Variants in EFCC1 observed in about 807,000 individuals in gnomAD.
EFCC1 encodes the protein EF-hand and coiled-coil domain-containing protein 1.
In EFCC1, 50 loss-of-function variants were observed where a neutral mutation model predicts 52.1. The observed-to-expected ratio is 0.96, with a 90% CI of 0.76 to 1.21. The LOEUF (loss-of-function observed/expected upper bound fraction) is 1.21, where lower values mean the gene tolerates loss of function less well. Among genes scored for constraint, EFCC1 ranks in the 50% most tolerant of loss-of-function variants. EFCC1 has a pLI of 0.00. For synonymous variants in EFCC1, 399 were observed against 396.5 expected (o/e 1.01, Z -0.08); for missense variants, 837 against 867.3 (o/e 0.97, Z 0.44).
At chr3:129,032,718 C>G in intron 3 of EFCC1, 101 bp from the exon 4 acceptor site, 1 of 1,454,544 alleles carries the variant, frequency 6.9e-7, no homozygotes, top group South Asian at 1.4e-5. Flanking sequence ...GGACATGGCA[C>G]AAGAGCCCTC....
At position 129,003,900 on chromosome 3, in the gene EFCC1, A is replaced by C. The variant is rs1944928969; in HGVS notation, c.803A>C (p.Glu268Ala). The change falls in exon 2 of 8, where the codon GAG becomes GCG. Residue 268 changes from glutamate (E) to alanine (A), a missense_variant. Transcript: ENST00000683648. ...GCGCAGGGCGCCCTGGCTGCGGCGG[A>C]GGCCCGCGCTGGGCGGCTGCGCCGT... is the stretch of plus-strand genomic sequence containing the variant. ...RQAQGALAAA[E>A]ARAGRLRRGQ... 3 of 1,355,352 alleles carry C rather than the reference A, an allele frequency of 2.2e-6. No individual in the cohort carries two copies. The highest frequency in any genetic ancestry group is 3.2e-5 in the East Asian group (1 of 31,442). The allele number at this position is 1,355,352 out of a possible 1,614,324, so 84.0% of individuals were successfully genotyped here.
At position 129,014,531 on chromosome 3, in the gene EFCC1, G is replaced by A. The variant is rs565813360; in HGVS notation, c.980+10454G>A. Among the ~76,000 whole-genome samples, 154 of 152,338 alleles carry A rather than the reference G, an allele frequency of 1.0e-3. 1 individual carries two copies. The highest frequency in any genetic ancestry group is 3.7e-3 in the African/African-American group (152 of 41,576). ...AGGACACCAGTCAGACTGGATTAGG[G>A]CCCACCCTAAAGACCTCATTTTAAC... On this transcript the variant is annotated intron_variant, in intron 2 of 7. Coordinates refer to ENST00000683648, the MANE Select transcript of EFCC1 (RefSeq NM_001377500.1). This position sits in a 1 kb window ranked among gnomAD's most constrained non-coding sequence, Gnocchi z 4.3.
At chr3:129,039,509 T>C (rs969742339) in intron 7 of EFCC1, among the ~76,000 whole-genome samples, 2 of 152,170 alleles carry the variant, frequency 1.3e-5, no homozygotes, top group African/African-American at 4.8e-5. Flanking sequence ...CCTGCCCTCA[T>C]GGAGGAGATC....
At chr3:129,012,501 C>G (rs1021031964) in intron 2 of EFCC1, among the ~76,000 whole-genome samples, 1 of 152,184 alleles carries the variant, frequency 6.6e-6, no homozygotes, top group African/African-American at 2.4e-5. Context: ...AGATTCATGA[C>G]TTTCCAAATT....
intron 2 of EFCC1, among the ~76,000 whole-genome samples, chr3:129,030,244 C>G (rs779928090): frequency 6.6e-6 from 1 of 152,052 alleles, no homozygotes; most frequent in Non-Finnish European, 1.5e-5. Flanking sequence ...TAAAATTCCC[C>G]TATAATAAGA....
chr3:129,028,159 C>T (rs918044961), intron 2 of EFCC1, among the ~76,000 whole-genome samples: 66 of 151,140 alleles, frequency 4.4e-4, no homozygotes, highest in African/African-American at 1.1e-3. Flanking sequence ...ATCTAGGTTA[C>T]GGCAACCGCC....
rs1012355391 is a variant in EFCC1 at position 129,014,392 on chromosome 3, G to A, written c.980+10315G>A. ...GCTGACCAGAGTGCGGTGTCGCAGCGTTGGCTTCTCCTGCGGCCTCTCTCC... is the reference window on the plus strand; with the variant it reads ...GCTGACCAGAGTGCGGTGTCGCAGCATTGGCTTCTCCTGCGGCCTCTCTCC... On this transcript the variant is annotated intron_variant, in intron 2 of 7. Transcript: ENST00000683648. The surrounding 1 kb of genome is among the most constrained non-coding windows in gnomAD (Gnocchi z 4.3). 3.9e-5 allele frequency among the ~76,000 whole-genome samples: 6 copies of A among 152,180 alleles called. No homozygotes were observed. The highest frequency in any genetic ancestry group is 2.1e-4 in the South Asian group (1 of 4,832).
intron 5 of EFCC1, among the ~76,000 whole-genome samples, chr3:129,035,563 A>T (rs145874023): frequency 6.6e-6 from 1 of 152,362 alleles, no homozygotes; most frequent in East Asian, 1.9e-4. Context: ...AAAGACCAGG[A>T]CTATGCAAAC....
chr3:129,003,942 G>C lies in EFCC1; in HGVS notation c.845G>C (p.Arg282Pro). Residue 282 changes from arginine to proline, a missense_variant, in exon 2 of 8, where the codon CGG becomes CCG. Physicochemically the swap from Arg to Pro is moderately radical, Grantham distance 103 (BLOSUM62 -2). Coordinates refer to ENST00000683648, the MANE Select transcript of EFCC1 (RefSeq NM_001377500.1). Reference sequence around the variant, plus strand: ...CTGCGCCGTGGCCAGGCCGAGGTGCGGCGGCGCGCGGAGGAGGCCCGGCAG... The same window carrying C: ...CTGCGCCGTGGCCAGGCCGAGGTGCCGCGGCGCGCGGAGGAGGCCCGGCAG... ...GRLRRGQAEV[R>P]RRAEEARQVV... 1 of 1,404,794 alleles carries C rather than the reference G, an allele frequency of 7.1e-7. No homozygotes were observed. The highest frequency in any genetic ancestry group is 9.2e-7 in the Non-Finnish European group (1 of 1,083,446). The allele number at this position is 1,404,794 out of a possible 1,614,324, so 87.0% of individuals were successfully genotyped here. A position where few individuals can be genotyped will look rare whatever the true frequency, so the allele number is the denominator to read the frequency against.
Position 129,030,730 on chromosome 3 carries a change from G to A in EFCC1, c.1008G>A (p.Pro336=), listed in dbSNP as rs114454623. ...CAGAGGATTCCCAGCTCCCAACCCCGCAGCTAGCCAACCCAGAGCCAGGAG... is the reference window on the plus strand; with the variant it reads ...CAGAGGATTCCCAGCTCCCAACCCCACAGCTAGCCAACCCAGAGCCAGGAG... The part of the protein sequence containing the change: ...YRSEDSQLPT[P]QLANPEPGDK... The change falls in exon 3 of 8, where the codon CCG becomes CCA. Residue 336 remains proline, a synonymous_variant. Transcript: ENST00000683648. 1.4e-3 allele frequency: 2,226 copies of A among 1,551,418 alleles called. 31 individuals carry two copies. The African/African-American group carries it at 0.028, about 19-fold the overall frequency.
At chr3:129,017,843 G>T (rs370161961) in intron 2 of EFCC1, among the ~76,000 whole-genome samples, 1 of 152,194 alleles carries the variant, frequency 6.6e-6, no homozygotes, top group African/African-American at 2.4e-5. Context: ...GAACTTGGGG[G>T]CCCATTCCTA....
intron 2 of EFCC1, among the ~76,000 whole-genome samples, chr3:129,015,413 C>A (rs116424588): frequency 0.019 from 2,860 of 152,128 alleles, 96 homozygotes; most frequent in African/African-American, 0.065. Flanking sequence ...TTGAGGTCTG[C>A]TCCTTCGGGG....
chr3:129,033,068 C>T (rs1946303515), intron 4 of EFCC1, 102 bp downstream of exon 4: 1 of 1,402,500 alleles, frequency 7.1e-7, no homozygotes, highest in Admixed American at 2.9e-5. Flanking sequence ...GCTCAGCCAC[C>T]TCCCAGCCCC....
chr3:129,002,401 C>G, intron 1 of EFCC1, 77 bp downstream of exon 1: 1 of 1,457,596 alleles, frequency 6.9e-7, no homozygotes, highest in Non-Finnish European at 9.0e-7. Context: ...CTGCGGAGCC[C>G]GACAGGACAG....
At chr3:129,025,571 G>A (rs1397016544) in intron 2 of EFCC1, among the ~76,000 whole-genome samples, 1 of 152,200 alleles carries the variant, frequency 6.6e-6, no homozygotes, top group Non-Finnish European at 1.5e-5. Context: ...GCAGAGTAAG[G>A]GTGGTAGCTG....
rs1946405983 is a variant in EFCC1 at position 129,040,190 on chromosome 3, C to T, written c.*342C>T. On this transcript the variant is annotated 3_prime_UTR_variant, in exon 8 of 8. Transcript: ENST00000683648. The surrounding 1 kb of genome is among the most constrained non-coding windows in gnomAD (Gnocchi z 4.4). ...TGCCCACTTTCTGACTGAGTCTGAC[C>T]CCAAATCTCTTCCCCAGAGTTTCAG... The T allele has an allele frequency of 3.7e-6, 1 of 271,922 alleles. No homozygotes were observed. The highest frequency in any genetic ancestry group is 6.4e-5 in the East Asian group (1 of 15,600). The allele number at this position is 271,922 out of a possible 1,614,324, so 16.8% of individuals were successfully genotyped here.
At chr3:129,035,074 T>C (rs577280701) in intron 5 of EFCC1, among the ~76,000 whole-genome samples, 5 of 152,258 alleles carry the variant, frequency 3.3e-5, no homozygotes, top group Admixed American at 1.3e-4. Context: ...GCAATGCTGT[T>C]GAAAGTTGTC....
intron 7 of EFCC1, 91 bp downstream of exon 7, chr3:129,038,991 T>C (rs991938134): frequency 1.8e-6 from 2 of 1,133,364 alleles, no homozygotes; most frequent in African/African-American, 3.1e-5. Flanking sequence ...CTTAGCATCT[T>C]GTCTGCAAAA....
rs531145864 is a variant in EFCC1 at position 129,002,167 on chromosome 3, G to A, written c.539G>A (p.Arg180His). ...ACGCAGATCCGCCTGCGCCGTCCGC[G>A]CCGCCGCCGCCGCCCGCCCTGCGCG... ...IETQIRLRRP[R>H]RRRRPPCAPG... is the part of the protein sequence containing the mutation. Residue 180 changes from arginine to histidine, a missense_variant, in exon 1 of 8, where the codon CGC (arginine) becomes CAC (histidine). Coordinates refer to ENST00000683648, the MANE Select transcript of EFCC1 (RefSeq NM_001377500.1). The A allele has an allele frequency of 8.4e-5, 123 of 1,461,352 alleles. No homozygotes were observed. The African/African-American group carries it at 1.7e-3, about 20-fold the overall frequency. The allele number at this position is 1,461,352 out of a possible 1,614,324, so 90.5% of individuals were successfully genotyped here.
Sources: allele counts gnomAD v4.1 joint callset (sites outside exome capture counted in the v4.1 genomes callset), GRCh38; gene constraint gnomAD v4.1.1; non-coding constraint Gnocchi (gnomAD v3.1); transcripts MANE v1.5; gene names NCBI Gene and HGNC (gene_info 2026-07-23, HGNC 2026-07-21).